UGT8: variants seen among roughly 807,000 people sequenced by gnomAD.
UGT8 encodes the protein UDP glycosyltransferase 8.
A neutral mutation model predicts 40.5 loss-of-function variants in UGT8; 12 were observed. That is an observed-to-expected ratio of 0.30 (90% CI 0.19 to 0.48). The LOEUF (loss-of-function observed/expected upper bound fraction) is 0.48, where lower values mean the gene tolerates loss of function less well. Among genes scored for constraint, UGT8 ranks in the 20% least tolerant of loss-of-function variants. The pLI is 0.99. For missense variants in UGT8, 513 were observed against 648.7 expected, an observed-to-expected ratio of 0.79 and a Z score of 2.27; for synonymous variants, 224 against 240.4, an observed-to-expected ratio of 0.93 and a Z score of 0.63.
chr4:114,627,025 T>A (rs962424769), intron 2 of UGT8, among the ~76,000 whole-genome samples: 3 of 152,142 alleles, frequency 2.0e-5, no homozygotes, highest in Admixed American at 2.0e-4. Context: ...TTAAAATCCA[T>A]GTTAGAAATG....
At chr4:114,660,751 G>T (rs549319813) in intron 2 of UGT8, among the ~76,000 whole-genome samples, 2 of 151,774 alleles carry the variant, frequency 1.3e-5, no homozygotes, top group Non-Finnish European at 1.5e-5. Flanking sequence ...AATTAGCCGG[G>T]CGTAGTGGGG....
chr4:114,607,825 C>T (rs1245500992), intron 1 of UGT8, among the ~76,000 whole-genome samples: 1 of 152,128 alleles, frequency 6.6e-6, no homozygotes, highest in Admixed American at 6.5e-5. Context: ...CCATTCACCT[C>T]CTGATGTCTT....
At chr4:114,652,661 G>T (rs1733954312) in intron 2 of UGT8, among the ~76,000 whole-genome samples, 1 of 151,928 alleles carries the variant, frequency 6.6e-6, no homozygotes, top group African/African-American at 2.4e-5. Context: ...AGGATTAGAA[G>T]AGCACATAAA....
chr4:114,676,417 A>AT lies in UGT8; in HGVS notation c.*130dup. The AT allele has an allele frequency of 1.3e-6, 1 of 771,138 alleles. No individual in the cohort carries two copies. Among genetic ancestry groups the AT allele is most frequent in the Non-Finnish European group, 2.0e-6 (1 of 501,608 alleles). The allele number at this position is 771,138 out of a possible 1,614,324, so 47.8% of individuals were successfully genotyped here. ...TAACATGCCCTTATGAGATCTACTA[A>AT]TGAAATTCTGTGGAATTAAGATGGC... On this transcript the variant is annotated 3_prime_UTR_variant, in exon 6 of 6. Transcript: ENST00000310836.
At chr4:114,616,353 T>A (rs1221037492) in intron 1 of UGT8, among the ~76,000 whole-genome samples, 3 of 152,156 alleles carry the variant, frequency 2.0e-5, no homozygotes. Context: ...CTCAGACTGC[T>A]GTGCTAGCAA....
At chr4:114,672,595 C>T (rs1735364421) in intron 5 of UGT8, among the ~76,000 whole-genome samples, 1 of 151,982 alleles carries the variant, frequency 6.6e-6, no homozygotes, top group African/African-American at 2.4e-5. Context: ...TGTTCTCACT[C>T]ATAAGTGGGA....
At chr4:114,634,175 G>A (rs1479859891) in intron 2 of UGT8, among the ~76,000 whole-genome samples, 1 of 152,174 alleles carries the variant, frequency 6.6e-6, no homozygotes, top group East Asian at 1.9e-4. Context: ...TTGAGCAACT[G>A]GTGGATGGCA....
chr4:114,649,833 A>G (rs1239693021), intron 2 of UGT8, among the ~76,000 whole-genome samples: 1 of 152,186 alleles, frequency 6.6e-6, no homozygotes, highest in Non-Finnish European at 1.5e-5. Context: ...CTTAAACTTT[A>G]TGAATTAAAA....
chr4:114,649,126 C>T (rs1733748608), intron 2 of UGT8, among the ~76,000 whole-genome samples: 1 of 152,116 alleles, frequency 6.6e-6, no homozygotes, highest in Non-Finnish European at 1.5e-5. Flanking sequence ...TATGTAATTT[C>T]TGATCCCTAG....
At chr4:114,658,516 C>T (rs1203346949) in intron 2 of UGT8, among the ~76,000 whole-genome samples, 1 of 152,170 alleles carries the variant, frequency 6.6e-6, no homozygotes, top group Non-Finnish European at 1.5e-5. Flanking sequence ...TGTCCCCACA[C>T]CTCAGACCTG....
At chr4:114,673,412 C>T (rs1400214466) in intron 5 of UGT8, among the ~76,000 whole-genome samples, 1 of 152,162 alleles carries the variant, frequency 6.6e-6, no homozygotes, top group East Asian at 1.9e-4. Flanking sequence ...AGCAATCCAG[C>T]TTTATAAGTC....
chr4:114,602,174 T>C (rs751008591), intron 1 of UGT8, among the ~76,000 whole-genome samples: 12 of 152,232 alleles, frequency 7.9e-5, no homozygotes, highest in Non-Finnish European at 1.6e-4. Flanking sequence ...TTGGTGTTTC[T>C]GAGAAACTGA....
rs139602004 is a variant in UGT8, at chr4:114,645,573, G to C, written c.823-18422G>C. Among the ~76,000 whole-genome samples the C allele has an allele frequency of 7.2e-3, 1,099 of 152,118 alleles. 15 individuals are homozygous for C. The highest frequency in any genetic ancestry group is 0.025 in the African/African-American group (1,017 of 41,502). On this transcript the variant is annotated intron_variant, in intron 2 of 5. Coordinates refer to ENST00000310836, the MANE Select transcript of UGT8 (RefSeq NM_001128174.3). ...TAGAAAAATACCACAAATGGTAACT[G>C]TGTACTAACATTTCTAATATTTTAT...
At chr4:114,662,225 C>T (rs1468045726) in intron 2 of UGT8, among the ~76,000 whole-genome samples, 1 of 152,150 alleles carries the variant, frequency 6.6e-6, no homozygotes, top group Non-Finnish European at 1.5e-5. Flanking sequence ...GCCTAGCCTA[C>T]CTGAAACGTA....
chr4:114,639,499 G>C (rs1161829992), intron 2 of UGT8, among the ~76,000 whole-genome samples: 3 of 152,182 alleles, frequency 2.0e-5, no homozygotes, highest in Non-Finnish European at 4.4e-5. Flanking sequence ...TTGTAATGAA[G>C]AATCTGTGTT....
chr4:114,644,446 C>T (rs570106251), intron 2 of UGT8, among the ~76,000 whole-genome samples: 1 of 151,962 alleles, frequency 6.6e-6, no homozygotes, highest in African/African-American at 2.4e-5. Flanking sequence ...CTTCCTGGAC[C>T]CTTTGATGTT....
At chr4:114,628,994 A>G (rs1732414355) in intron 2 of UGT8, among the ~76,000 whole-genome samples, 1 of 151,894 alleles carries the variant, frequency 6.6e-6, no homozygotes, top group African/African-American at 2.4e-5. Flanking sequence ...CATAGAAGCC[A>G]TTACTTCCTA....
At chr4:114,665,867 A>G (rs1734835810) in intron 4 of UGT8, 111 bp downstream of exon 4, 3 of 665,878 alleles carry the variant, frequency 4.5e-6, no homozygotes, top group Non-Finnish European at 4.6e-6. Flanking sequence ...GTATGTATGT[A>G]GTATATGGTA....
At chr4:114,606,535 G>C (rs1054469238) in intron 1 of UGT8, among the ~76,000 whole-genome samples, 4 of 152,172 alleles carry the variant, frequency 2.6e-5, no homozygotes, top group Middle Eastern at 3.2e-3. Flanking sequence ...TAGTCAAACA[G>C]GTTTGCCTGT....
Sources: gnomAD v4.1 joint callset for allele counts (sites outside exome capture counted in the v4.1 genomes callset) on GRCh38, gnomAD v4.1.1 for gene constraint, MANE v1.5 for transcripts, NCBI Gene and HGNC (gene_info 2026-07-23, HGNC 2026-07-21) for gene names.